The following GREB1L variants were observed in gnomAD, a reference collection of about 807,000 sequenced individuals.
GREB1L encodes GREB1 like retinoic acid receptor coactivator, also known as GREB1-like protein.
In GREB1L, 17 loss-of-function variants were observed where a neutral mutation model predicts 200.8. The observed-to-expected ratio is 0.08, with a 90% CI of 0.06 to 0.13. The LOEUF (loss-of-function observed/expected upper bound fraction) is 0.13. GREB1L is among the 10% of genes least tolerant of loss of function. GREB1L has a pLI of 1.00. For missense variants in GREB1L, 1,657 were observed against 2,367.7 expected (o/e 0.70, Z 6.23); for synonymous variants, 789 against 893.0 (o/e 0.88, Z 2.08).
chr18:21,423,745 C>G (rs1409344410), intron 7 of GREB1L, among the ~76,000 whole-genome samples: 1 of 152,098 alleles, frequency 6.6e-6, no homozygotes, highest in Non-Finnish European at 1.5e-5. Context: ...GCTTTTGGTC[C>G]TACCTACATG....
At chr18:21,263,370 T>C (rs1472970224) in intron 1 of GREB1L, among the ~76,000 whole-genome samples, 1 of 152,240 alleles carries the variant, frequency 6.6e-6, no homozygotes, top group East Asian at 1.9e-4. Context: ...TTCTGTAGTT[T>C]CTGTGCTGAG....
At chr18:21,314,689 G>A (rs1282446511) in intron 1 of GREB1L, among the ~76,000 whole-genome samples, 1 of 152,156 alleles carries the variant, frequency 6.6e-6, no homozygotes, top group Non-Finnish European at 1.5e-5. Context: ...CATATTTTAG[G>A]CTTTGTAAGC....
intron 5 of GREB1L, among the ~76,000 whole-genome samples, chr18:21,395,808 C>A (rs1420750963): frequency 6.6e-6 from 1 of 151,360 alleles, no homozygotes; most frequent in African/African-American, 2.4e-5. Flanking sequence ...AGGCTCACTG[C>A]AACCTCTGCC....
At position 21,508,127 on chromosome 18, in the gene GREB1L, T is replaced by A; in HGVS notation, c.4378T>A (p.Ser1460Thr). 1 of 1,551,616 alleles carries A rather than the reference T, an allele frequency of 6.4e-7. No homozygotes were observed. The highest frequency in any genetic ancestry group is 8.7e-7 in the Non-Finnish European group (1 of 1,146,980). ...TTCTTTGCAAATGTAGATGTCTGAC[T>A]CCACCCTTCATGCCTTCACATTCTC... ...DFTSASQMSD[S>T]TLHAFTFSSS... Residue 1460 changes from serine to threonine, a missense_variant, in exon 26 of 33, where the codon TCC becomes ACC. By Grantham distance (58) the Ser-to-Thr change is moderately conservative. This residue lies in a region of GREB1L where 512 missense variants were observed against 668.3 expected (regional missense o/e 0.77). Coordinates refer to ENST00000424526, the MANE Select transcript of GREB1L (RefSeq NM_001142966.3).
At chr18:21,398,289 A>G (rs549438307) in intron 5 of GREB1L, among the ~76,000 whole-genome samples, 1 of 152,204 alleles carries the variant, frequency 6.6e-6, no homozygotes, top group Non-Finnish European at 1.5e-5. Context: ...TAGATTGCTC[A>G]TGCATATAAT....
chr18:21,265,464 T>G (rs2037951799), intron 1 of GREB1L, among the ~76,000 whole-genome samples: 1 of 152,194 alleles, frequency 6.6e-6, no homozygotes, highest in Admixed American at 6.5e-5. Context: ...AAATGGACGG[T>G]GATGGGCATA....
intron 4 of GREB1L, among the ~76,000 whole-genome samples, chr18:21,393,899 C>T (rs888163255): frequency 5.3e-5 from 8 of 152,228 alleles, no homozygotes; most frequent in South Asian, 2.1e-4. Context: ...CAGCCTTTCT[C>T]GGTTGCAAAT....
chr18:21,498,541 C>A (rs1230668021), intron 21 of GREB1L, among the ~76,000 whole-genome samples: 2 of 152,190 alleles, frequency 1.3e-5, no homozygotes. Context: ...CACAGCCTGT[C>A]TTCCTTCCTG....
chr18:21,278,956 A>G (rs1440901765), intron 1 of GREB1L, among the ~76,000 whole-genome samples: 3 of 152,190 alleles, frequency 2.0e-5, no homozygotes, highest in Admixed American at 2.0e-4. Context: ...TGTCCTATGA[A>G]GTAGTGTTAT....
intron 1 of GREB1L, among the ~76,000 whole-genome samples, chr18:21,279,678 G>A (rs182905373): frequency 1.2e-3 from 177 of 152,110 alleles, no homozygotes; most frequent in East Asian, 1.7e-3. Context: ...TTGCTATGTT[G>A]CCCAGGCTGG....
intron 27 of GREB1L, among the ~76,000 whole-genome samples, chr18:21,509,625 A>G (rs952931100): frequency 2.0e-5 from 3 of 152,180 alleles, no homozygotes; most frequent in Non-Finnish European, 4.4e-5. Context: ...ATAATTGTTT[A>G]TCACTTTATA....
chr18:21,508,599 G>A lies in GREB1L; in HGVS notation c.4735+8G>A, dbSNP rs766205221. 24 of 1,550,422 alleles carry A rather than the reference G, an allele frequency of 1.5e-5. No individual in the cohort carries two copies. The East Asian group carries it at 5.6e-4, about 36-fold the overall frequency. On this transcript the variant is annotated splice_region_variant and intron_variant, in intron 27 of 32. Transcript: ENST00000424526. Reference sequence around the variant, plus strand: ...TCAATAATGCAGGCGTGGGTAAGGGGCCCCCCTGGGATGGGGAGAAGGGCT... The same window carrying A: ...TCAATAATGCAGGCGTGGGTAAGGGACCCCCCTGGGATGGGGAGAAGGGCT...
chr18:21,384,842 G>A lies in GREB1L; in HGVS notation c.355+439G>A, dbSNP rs912306770. 1.1e-4 allele frequency among the ~76,000 whole-genome samples: 14 copies of A among 128,920 alleles called. 1 individual carries two copies. The East Asian group carries it at 2.5e-3, about 23-fold the overall frequency. The allele number at this position is 128,920 out of a possible 152,430, so 84.6% of individuals were successfully genotyped here. ...AGATATTAGAGATTTCATATTTACC[G>A]TTTACATTTATTTTGAACACTCATC... On this transcript the variant is annotated intron_variant, in intron 4 of 32. Coordinates refer to ENST00000424526, the MANE Select transcript of GREB1L (RefSeq NM_001142966.3).
intron 23 of GREB1L, among the ~76,000 whole-genome samples, chr18:21,502,540 A>C (rs2036840938): frequency 6.6e-6 from 1 of 152,222 alleles, no homozygotes; most frequent in Non-Finnish European, 1.5e-5. Context: ...AGGTAAAATC[A>C]GCCATATTTA....
At chr18:21,416,861 AC>A (rs1273635865) in intron 7 of GREB1L, among the ~76,000 whole-genome samples, 1 of 151,564 alleles carries the variant, frequency 6.6e-6, no homozygotes, top group Non-Finnish European at 1.5e-5. Flanking sequence ...TCCTGTCTCT[AC>A]AAAAAAATAC....
intron 16 of GREB1L, among the ~76,000 whole-genome samples, chr18:21,475,970 CAAAAAAAAAAA>C (rs71178177): frequency 8.6e-5 from 5 of 58,378 alleles, no homozygotes; most frequent in South Asian, 2.0e-3. Flanking sequence ...GACTCCGTCT[CAAAAAAAAAAA>C]AAAAAAAAAA....
At chr18:21,397,501 G>T (rs543899605) in intron 5 of GREB1L, among the ~76,000 whole-genome samples, 1 of 148,890 alleles carries the variant, frequency 6.7e-6, no homozygotes, top group Non-Finnish European at 1.5e-5. Context: ...CTCCAGCCTG[G>T]GGGACAGAGC....
chr18:21,446,789 C>T (rs992352732), intron 11 of GREB1L, among the ~76,000 whole-genome samples: 36 of 152,256 alleles, frequency 2.4e-4, no homozygotes, highest in African/African-American at 7.2e-4. Context: ...AATACTTCAG[C>T]GGCTCAGTTA....
At chr18:21,380,406 A>C (rs1010747754) in intron 2 of GREB1L, 2 of 152,170 alleles carry the variant, frequency 1.3e-5, no homozygotes, top group African/African-American at 4.8e-5. Flanking sequence ...CCAGTCCTCC[A>C]GGGACTCTCT....
Sources: gnomAD v4.1 joint callset for allele counts (sites outside exome capture counted in the v4.1 genomes callset) on GRCh38, gnomAD v4.1.1 for gene constraint, gnomAD v4.1.1 regional missense constraint, MANE v1.5 for transcripts, NCBI Gene and HGNC (gene_info 2026-07-23, HGNC 2026-07-21) for gene names.